SRGAP3: variants seen among roughly 807,000 people sequenced by gnomAD.
SRGAP3 encodes the protein SLIT-ROBO Rho GTPase activating protein 3.
A neutral mutation model predicts 121.1 loss-of-function variants in SRGAP3; 39 were observed. The ratio of observed to expected loss-of-function variants is 0.32; its 90% CI spans 0.25 to 0.42. SRGAP3 has a LOEUF of 0.42. SRGAP3 is among the 10% of genes least tolerant of loss of function. The probability of loss-of-function intolerance (pLI) is 1.00; values close to 1 mark genes in which losing one functional copy is unlikely to be tolerated. For missense variants in SRGAP3, 1,213 were observed against 1,470.6 expected, an observed-to-expected ratio of 0.82 and a Z score of 2.86; for synonymous variants, 601 against 570.0, an observed-to-expected ratio of 1.05 and a Z score of -0.77.
At chr3:9,072,649 G>A (rs2125239405) in intron 4 of SRGAP3, among the ~76,000 whole-genome samples, 1 of 152,362 alleles carries the variant, frequency 6.6e-6, no homozygotes, top group Admixed American at 6.5e-5. Context: ...TGCCCGGCAG[G>A]AGCCTCAGTA....
At position 8,983,744 on chromosome 3, in the gene SRGAP3, C is replaced by T. The variant is rs1941542825; in HGVS notation, c.*1775G>A. The stretch of plus-strand genomic sequence containing the variant: ...ATTCAGTGTTTTCCAGTGTACACAG[C>T]TTGCTCACTGATGTTTGACCTTTAT... On this transcript the variant is annotated 3_prime_UTR_variant, in exon 22 of 22. Transcript: ENST00000383836. 8.7e-6 allele frequency: 2 copies of T among 230,442 alleles called. No homozygotes were observed. The highest frequency in any genetic ancestry group is 2.2e-5 in the African/African-American group (1 of 45,186). The allele number at this position is 230,442 out of a possible 1,614,324, so 14.3% of individuals were successfully genotyped here.
intron 5 of SRGAP3, among the ~76,000 whole-genome samples, chr3:9,063,124 C>CTTTTTTTTTTT (rs766958753): frequency 1.3e-5 from 1 of 79,982 alleles, no homozygotes; most frequent in Non-Finnish European, 2.4e-5. Flanking sequence ...TAGAGACAAT[C>CTTTTTTTTTTT]TTTTTTTTTT....
intron 1 of SRGAP3, among the ~76,000 whole-genome samples, chr3:9,205,744 T>C (rs1952243877): frequency 6.6e-6 from 1 of 152,202 alleles, no homozygotes; most frequent in Non-Finnish European, 1.5e-5. Flanking sequence ...CCATCATAGA[T>C]AAACAGATAA....
intron 18 of SRGAP3, among the ~76,000 whole-genome samples, chr3:9,003,969 A>C (rs1942921231): frequency 6.6e-6 from 1 of 152,184 alleles, no homozygotes; most frequent in South Asian, 2.1e-4. Context: ...ATTCATAGAC[A>C]ATATAATCTT....
rs60792299 is a variant in SRGAP3, at chr3:9,096,980, T to TAC, written c.423+7698_423+7699dup. Among the ~76,000 whole-genome samples, 71 of 70,978 alleles carry TAC rather than the reference T, an allele frequency of 1.0e-3. 1 individual carries two copies. The highest frequency in any genetic ancestry group is 1.5e-3 in the East Asian group (4 of 2,744). 46.6% of individuals were successfully genotyped at this position (70,978 alleles called of 152,430 possible). ...ATATATATATATATATATATATATA[T>TAC]ACACATACACACACATATATATATA... On this transcript the variant is annotated intron_variant, in intron 3 of 21. Transcript: ENST00000383836.
Position 9,330,241 on chromosome 3 carries a change from A to G in SRGAP3, n.283+287T>C, listed in dbSNP as rs182353075. ...TGAATTTCCAAAAGCCATATTTTAT[A>G]ATCCCTGCAATATTACTGCTTACTA... is the stretch of plus-strand genomic sequence containing the variant. On this transcript the variant is annotated intron_variant and non_coding_transcript_variant, in intron 2 of 3. Coordinates refer to the SRGAP3 transcript ENST00000490889. Among the ~76,000 whole-genome samples, 139 of 152,296 alleles carry G rather than the reference A, an allele frequency of 9.1e-4. 1 individual carries two copies. Among genetic ancestry groups the G allele is most frequent in the African/African-American group, 3.1e-3 (130 of 41,574 alleles).
At chr3:9,047,551 C>T (rs1165548544) in intron 9 of SRGAP3, 76 bp from the exon 10 acceptor site, 1 of 1,449,694 alleles carries the variant, frequency 6.9e-7, no homozygotes, top group Non-Finnish European at 9.6e-7. Context: ...CAACTGACCT[C>T]TGGGACACGG....
intron 4 of SRGAP3, among the ~76,000 whole-genome samples, chr3:9,068,874 CAAT>C (rs35138470): frequency 0.011 from 1,607 of 152,286 alleles, 21 homozygotes; most frequent in African/African-American, 0.037. Context: ...ACAGTAACAA[CAAT>C]GATAGCAGCT....
intron 3 of SRGAP3, among the ~76,000 whole-genome samples, chr3:9,273,710 T>C (rs1400858342): frequency 6.6e-6 from 1 of 152,214 alleles, no homozygotes; most frequent in African/African-American, 2.4e-5. Flanking sequence ...AAGAGCTTTA[T>C]CGTTTTAGGT....
intron 3 of SRGAP3, among the ~76,000 whole-genome samples, chr3:9,101,558 G>A (rs1466885174): frequency 6.6e-6 from 1 of 152,192 alleles, no homozygotes; most frequent in East Asian, 1.9e-4. Flanking sequence ...GTTATCACAC[G>A]GCCAGCGGGT....
chr3:9,007,635 T>A (rs1194824411), intron 18 of SRGAP3: 1 of 152,196 alleles, frequency 6.6e-6, no homozygotes, highest in Non-Finnish European at 1.5e-5. Flanking sequence ...TTGATGTTTC[T>A]TATCCACCTC....
intron 3 of SRGAP3, among the ~76,000 whole-genome samples, chr3:9,304,080 AGCTCTGTGCCTGCC>A (rs1955115860): frequency 6.6e-6 from 1 of 152,196 alleles, no homozygotes; most frequent in African/African-American, 2.4e-5. Flanking sequence ...ACTGCTGCCA[AGCTCTGTGCCTGCC>A]TGTGGTACGG....
intron 3 of SRGAP3, among the ~76,000 whole-genome samples, chr3:9,098,607 T>G (rs1277369747): frequency 6.6e-6 from 1 of 152,204 alleles, no homozygotes; most frequent in East Asian, 1.9e-4. Context: ...GTATGGGCTC[T>G]GGGATTGGAC....
At chr3:9,347,183 T>C (rs1397519926) in intron 1 of SRGAP3, among the ~76,000 whole-genome samples, 1 of 151,982 alleles carries the variant, frequency 6.6e-6, no homozygotes, top group South Asian at 2.1e-4. Flanking sequence ...TCTTTGTTTT[T>C]GAGACAGGGT....
intron 1 of SRGAP3, among the ~76,000 whole-genome samples, chr3:9,244,111 G>A (rs557801542): frequency 2.0e-5 from 3 of 152,272 alleles, no homozygotes; most frequent in African/African-American, 7.2e-5. Context: ...CATTCCTAAG[G>A]TGATCTTCTA....
intron 1 of SRGAP3, among the ~76,000 whole-genome samples, chr3:9,227,475 G>A (rs935110470): frequency 6.6e-6 from 1 of 152,180 alleles, no homozygotes. Context: ...GTGCCCATTT[G>A]AAAGAGGAAG....
chr3:9,273,949 A>G (rs937096351), intron 3 of SRGAP3, among the ~76,000 whole-genome samples: 2 of 152,170 alleles, frequency 1.3e-5, no homozygotes. Flanking sequence ...CCATTGGTCT[A>G]TATGTCTGTC....
intron 14 of SRGAP3, among the ~76,000 whole-genome samples, chr3:9,020,908 C>A (rs905201861): frequency 3.3e-5 from 5 of 152,238 alleles, no homozygotes. Flanking sequence ...ATTGCCCTGC[C>A]TGGAGCTTAC....
At chr3:9,290,090 G>A (rs566771160) in intron 3 of SRGAP3, among the ~76,000 whole-genome samples, 9 of 151,736 alleles carry the variant, frequency 5.9e-5, no homozygotes, top group East Asian at 1.9e-4. Context: ...CAGCCTGGGC[G>A]ACAGAGCAAG....
Sources: allele counts gnomAD v4.1 joint callset (sites outside exome capture counted in the v4.1 genomes callset), GRCh38; gene constraint gnomAD v4.1.1; transcripts MANE v1.5; gene names NCBI Gene and HGNC (gene_info 2026-07-23, HGNC 2026-07-21).